The following C5 variants were observed in gnomAD, a reference collection of about 807,000 sequenced individuals.
C5 encodes the protein complement C5.
C5 carries 140 observed loss-of-function variants against 218.8 expected under a neutral mutation model. That is an observed-to-expected ratio of 0.64 (90% CI 0.56 to 0.74). C5 has a LOEUF of 0.74. Ranked by LOEUF, C5 falls within the 30% of genes least tolerant of loss-of-function variation. The pLI is 0.00. For synonymous variants in C5, 614 were observed against 682.3 expected (o/e 0.90, Z 1.56); for missense variants, 1,700 against 1,969.6 (o/e 0.86, Z 2.59).
At chr9:120,970,397 T>C in intron 31 of C5, 146 bp from the exon 32 acceptor site, 1 of 693,522 alleles carries the variant, frequency 1.4e-6, no homozygotes, top group East Asian at 2.7e-5. Flanking sequence ...TGACTCATTT[T>C]TCCAGCAGCT....
intron 20 of C5, among the ~76,000 whole-genome samples, chr9:121,002,341 T>TATAC (rs1265139485): frequency 1.4e-4 from 10 of 72,638 alleles, no homozygotes; most frequent in African/African-American, 4.1e-4. Flanking sequence ...TATATATATA[T>TATAC]ACACACATAC....
chr9:120,986,247 T>C (rs538236501), intron 25 of C5, among the ~76,000 whole-genome samples: 14 of 151,818 alleles, frequency 9.2e-5, no homozygotes, highest in Non-Finnish European at 1.9e-4. Context: ...ATATAAAATA[T>C]TAAAAATGTT....
chr9:121,001,523 C>A (rs1473219224), intron 20 of C5, among the ~76,000 whole-genome samples: 4 of 152,016 alleles, frequency 2.6e-5, no homozygotes, highest in Admixed American at 2.6e-4. Flanking sequence ...ATAGCGCGGT[C>A]TTTCATGTTT....
chr9:121,050,631 T>C (rs2047664914), upstream of C5, among the ~76,000 whole-genome samples: 1 of 152,212 alleles, frequency 6.6e-6, no homozygotes, highest in African/African-American at 2.4e-5. Context: ...TCCACTCTAA[T>C]ACTGATGAAG....
At chr9:120,989,828 T>A in intron 23 of C5, 48 bp from the exon 24 acceptor site, 2 of 1,409,132 alleles carry the variant, frequency 1.4e-6, no homozygotes, top group Non-Finnish European at 1.0e-6. Context: ...TATTAACTTC[T>A]AACAGTATGT....
chr9:121,014,261 G>A (rs1264664082), intron 16 of C5, among the ~76,000 whole-genome samples, 191 bp from the exon 17 acceptor site: 1 of 151,954 alleles, frequency 6.6e-6, no homozygotes, highest in Non-Finnish European at 1.5e-5. Flanking sequence ...CTTACCAAAT[G>A]GTCCATTCCA....
At chr9:120,972,876 T>TA (rs892892741) in intron 30 of C5, among the ~76,000 whole-genome samples, 2 of 152,172 alleles carry the variant, frequency 1.3e-5, no homozygotes, top group Non-Finnish European at 2.9e-5. Context: ...TTCTCCCTGA[T>TA]AGAATATAGC....
intron 20 of C5, chr9:121,000,078 T>C (rs1294723752): frequency 7.1e-6 from 2 of 282,194 alleles, no homozygotes; most frequent in African/African-American, 4.7e-5. Context: ...AAAAATGCTG[T>C]CAAGTTATAT....
chr9:121,027,356 C>A (rs2416811), intron 7 of C5, 82 bp from the exon 8 acceptor site: 9 of 781,036 alleles, frequency 1.2e-5, no homozygotes, highest in Non-Finnish European at 1.5e-5. Flanking sequence ...TTTGAAATTA[C>A]GTAAAGCACT....
chr9:121,055,978 T>A, the C5 span, among the ~76,000 whole-genome samples: 9 of 152,362 alleles, frequency 5.9e-5, no homozygotes, highest in African/African-American at 2.2e-4. Flanking sequence ...TCTTCCCAAG[T>A]CTTAGATACA....
At chr9:121,018,711 A>G (rs980941813) in intron 12 of C5, among the ~76,000 whole-genome samples, 2 of 144,044 alleles carry the variant, frequency 1.4e-5, no homozygotes, top group South Asian at 2.3e-4. Context: ...AAAGAAAGAA[A>G]AGAAAGAAAG....
intron 22 of C5, among the ~76,000 whole-genome samples, chr9:120,993,387 G>A (rs1348482750): frequency 6.6e-6 from 1 of 151,968 alleles, no homozygotes; most frequent in Non-Finnish European, 1.5e-5. Context: ...TTCTATGTAA[G>A]AAAAATGAAT....
the C5 span, among the ~76,000 whole-genome samples, chr9:121,057,620 A>G: frequency 6.6e-6 from 1 of 152,150 alleles, no homozygotes; most frequent in Non-Finnish European, 1.5e-5. Context: ...CCAAAAACCT[A>G]TAATTGCTAC....
At chr9:121,008,264 C>G (rs750958850) in intron 18 of C5, 144 bp downstream of exon 18, 42 of 668,896 alleles carry the variant, frequency 6.3e-5, no homozygotes, top group Non-Finnish European at 9.7e-5. Flanking sequence ...AAAAGCAAAG[C>G]AAAACAAAAC....
chr9:121,020,717 A>C (rs1480982036), intron 11 of C5, among the ~76,000 whole-genome samples: 4 of 152,214 alleles, frequency 2.6e-5, no homozygotes, highest in Admixed American at 6.5e-5. Flanking sequence ...AGACAGCAGA[A>C]GTGTTATTAG....
intron 10 of C5, among the ~76,000 whole-genome samples, chr9:121,022,352 A>G (rs898989543): frequency 6.6e-6 from 1 of 150,526 alleles, no homozygotes; most frequent in African/African-American, 2.4e-5. Context: ...TTGTTATTTT[A>G]CTTTTATATA....
At chr9:121,054,322 G>A (rs771542138), upstream of C5, among the ~76,000 whole-genome samples, 51 of 152,190 alleles carry the variant, frequency 3.4e-4, no homozygotes, top group Admixed American at 5.9e-4. Flanking sequence ...GGTATAGTCC[G>A]GGCGTGGTGG....
intron 4 of C5, among the ~76,000 whole-genome samples, chr9:121,036,432 T>C (rs2047525168): frequency 6.6e-6 from 1 of 152,144 alleles, no homozygotes; most frequent in Non-Finnish European, 1.5e-5. Flanking sequence ...TCACTTAAGT[T>C]CAACCATGAA....
At chr9:120,999,739 G>T (rs1253284316) in intron 20 of C5, 3 of 236,276 alleles carry the variant, frequency 1.3e-5, no homozygotes, top group Non-Finnish European at 2.6e-5. Flanking sequence ...AAAAGAAATA[G>T]GAAAGTGTAA....
Sources: allele counts gnomAD v4.1 joint callset (sites outside exome capture counted in the v4.1 genomes callset), GRCh38; gene constraint gnomAD v4.1.1; transcripts MANE v1.5; gene names NCBI Gene and HGNC (gene_info 2026-07-23, HGNC 2026-07-21).